The following RABL2B variants were observed in gnomAD, a reference collection of about 807,000 sequenced individuals.
RABL2B encodes the protein rab-like protein 2B.
A neutral mutation model predicts 26.7 loss-of-function variants in RABL2B; 17 were observed. That is an observed-to-expected ratio of 0.64 (90% CI 0.44 to 0.95). The LOEUF (loss-of-function observed/expected upper bound fraction) is 0.95. Ranked by LOEUF, RABL2B falls within the 40% of genes least tolerant of loss-of-function variation. The pLI, the probability that RABL2B is intolerant of heterozygous loss-of-function variation, is 0.00. For synonymous variants in RABL2B, 70 were observed against 103.9 expected (o/e 0.67, Z 1.99); for missense variants, 170 against 277.2 (o/e 0.61, Z 2.75).
At chr22:50,773,977 C>G (rs2084582938) in intron 5 of RABL2B, among the ~76,000 whole-genome samples, 1 of 152,124 alleles carries the variant, frequency 6.6e-6, no homozygotes, top group African/African-American at 2.4e-5. Context: ...TCACTGCAAG[C>G]TCTGCCTCCC....
chr22:50,771,496 C>T (rs1285092037), intron 5 of RABL2B: 1 of 151,958 alleles, frequency 6.6e-6, no homozygotes, highest in Non-Finnish European at 1.5e-5. Flanking sequence ...AGGCTGGTCT[C>T]AAACTCTTGA....
At chr22:50,772,845 A>C in intron 5 of RABL2B, 1 of 1,178,006 alleles carries the variant, frequency 8.5e-7, no homozygotes, top group East Asian at 5.9e-5. Context: ...TTGTTTTGAG[A>C]GCTGAGGAGG....
rs145748973 is a variant in RABL2B at position 50,775,784 on chromosome 22, G to A, written c.285C>T (p.His95=). ...SMHASYYHKA[H]ACIMVFDVQR... The stretch of plus-strand genomic sequence containing the variant: ...CACCGTCTCGTACCATGATGCAGGC[G>A]TGGGCCTTGTGGTAGTAGGAGGCAT... Residue 95 remains histidine, a synonymous_variant, in exon 5 of 9, where the codon CAC becomes CAT. Transcript: ENST00000691320. 6.8e-6 allele frequency: 11 copies of A among 1,614,030 alleles called. No individual in the cohort carries two copies. The East Asian group carries it at 8.9e-5, about 13-fold the overall frequency.
At position 50,770,007 on chromosome 22, in the gene RABL2B, C is replaced by A. The variant is rs1555917225; in HGVS notation, c.307G>T (p.Val103Leu). The part of the protein sequence containing the change: ...KAHACIMVFD[V>L]QRKVTYRNLS... The stretch of plus-strand genomic sequence containing the variant: ...TTCCTATAGGTGACTTTCCTCTGTA[C>A]ATCAAACACCTGCAAAGGGCAGAGG... The change falls in exon 6 of 9, where the codon GTA becomes TTA. Residue 103 changes from valine to leucine, a missense_variant. By Grantham distance (32) the Val-to-Leu change is conservative (BLOSUM62 1). This residue lies in a region of RABL2B where 165 missense variants were observed against 232.0 expected (regional missense o/e 0.71). Transcript: ENST00000691320. The A allele has an allele frequency of 1.9e-6, 3 of 1,613,890 alleles. No homozygotes were observed. Among genetic ancestry groups the A allele is most frequent in the East Asian group, 2.2e-5 (1 of 44,880 alleles).
intron 2 of RABL2B, among the ~76,000 whole-genome samples, chr22:50,781,739 CAAG>C (rs1438330970): frequency 4.6e-5 from 7 of 151,996 alleles, no homozygotes; most frequent in Non-Finnish European, 5.9e-5. Flanking sequence ...AAATTCATTA[CAAG>C]AAGAAGCCAG....
At chr22:50,772,575 G>T (rs1216001702) in intron 5 of RABL2B, 3 of 996,368 alleles carry the variant, frequency 3.0e-6, no homozygotes, top group Non-Finnish European at 3.6e-6. Context: ...AGCTATTTGT[G>T]CAAGCAACAC....
intron 2 of RABL2B, among the ~76,000 whole-genome samples, chr22:50,781,776 C>T (rs2085922413): frequency 6.6e-6 from 1 of 151,640 alleles, no homozygotes; most frequent in Non-Finnish European, 1.5e-5. Context: ...TATAGTCAAT[C>T]GTCAGTTCTA....
At chr22:50,773,495 C>T (rs1164103362) in intron 5 of RABL2B, among the ~76,000 whole-genome samples, 4 of 151,958 alleles carry the variant, frequency 2.6e-5, no homozygotes, top group Non-Finnish European at 5.9e-5. Context: ...ATCCTGCACA[C>T]GTGCATCACA....
rs781878151 is a variant in RABL2B, at chr22:50,776,653, G to C, written c.217+17C>G. 1.9e-6 allele frequency: 3 copies of C among 1,597,332 alleles called. No homozygotes were observed. Among genetic ancestry groups the C allele is most frequent in the East Asian group, 2.3e-5 (1 of 44,128 alleles). On this transcript the variant is annotated intron_variant, in intron 4 of 8. Transcript: ENST00000691320. ...TCTTTCCTGAGGGTCAGCATGTCTT[G>C]GCCCTGTGCCACTTACCCACAAGGA... is the stretch of plus-strand genomic sequence containing the variant.
chr22:50,781,400 AAGAGAG>A lies in RABL2B; in HGVS notation c.107+782_107+787del, dbSNP rs3044691. On this transcript the variant is annotated intron_variant, in intron 2 of 8. Coordinates refer to ENST00000691320, the MANE Select transcript of RABL2B (RefSeq NM_001130919.3). ...TGCAGTATGTGATTGTGTGGTGGGG[AAGAGAG>A]AGAGAGAGAGAGAGAGACAGAGAAT... Among the ~76,000 whole-genome samples the A allele has an allele frequency of 7.0e-3, 994 of 141,812 alleles. 8 individuals carry two copies. Among genetic ancestry groups the A allele is most frequent in the African/African-American group, 0.025 (949 of 38,262 alleles). 93.0% of individuals were successfully genotyped at this position (141,812 alleles called of 152,430 possible). A position where few individuals can be genotyped will look rare whatever the true frequency, so the allele number is the denominator to read the frequency against.
chr22:50,773,460 G>A (rs754302513), intron 5 of RABL2B, among the ~76,000 whole-genome samples: 1 of 152,066 alleles, frequency 6.6e-6, no homozygotes, highest in Non-Finnish European at 1.5e-5. Context: ...CAGCACGTGT[G>A]TCTTTCCACC....
At chr22:50,773,308 A>G (rs1159632191) in intron 5 of RABL2B, among the ~76,000 whole-genome samples, 3 of 152,086 alleles carry the variant, frequency 2.0e-5, no homozygotes, top group Non-Finnish European at 4.4e-5. Flanking sequence ...TTTTCAAGGG[A>G]TTTTGTTCTC....
At chr22:50,781,424 C>T (rs199606210) in intron 2 of RABL2B, among the ~76,000 whole-genome samples, 3 of 107,176 alleles carry the variant, frequency 2.8e-5, no homozygotes, top group African/African-American at 9.3e-5. Flanking sequence ...GAGAGAGAGA[C>T]AGAGAATTCA....
intron 2 of RABL2B, among the ~76,000 whole-genome samples, chr22:50,781,888 C>T (rs1366342846): frequency 1.3e-5 from 2 of 148,760 alleles, no homozygotes; most frequent in Non-Finnish European, 3.0e-5. Flanking sequence ...TCCATTCCCA[C>T]TCCCCGCCCT....
intron 5 of RABL2B, 133 bp from the exon 6 acceptor site, chr22:50,770,149 C>T (rs2083926014): frequency 3.4e-6 from 5 of 1,481,434 alleles, no homozygotes; most frequent in Admixed American, 2.1e-5. Flanking sequence ...TGAATTGCAG[C>T]CTCTCTGACC....
chr22:50,776,860 G>A, intron 3 of RABL2B, 111 bp from the exon 4 acceptor site: 1 of 1,463,122 alleles, frequency 6.8e-7, no homozygotes, highest in South Asian at 1.3e-5. Flanking sequence ...TCTCTTTGGA[G>A]TTATTGAGAT....
chr22:50,775,840 T>C lies in RABL2B; in HGVS notation c.229A>G (p.Thr77Ala), dbSNP rs782505967. The change falls in exon 5 of 9, where the codon ACG (threonine) becomes GCG (alanine). Residue 77 changes from threonine (T) to alanine (A), a missense_variant. Thr to Ala is a moderately conservative substitution (Grantham distance 58, BLOSUM62 0). This residue lies in a region of RABL2B where 165 missense variants were observed against 232.0 expected (regional missense o/e 0.71). Transcript: ENST00000691320. Reference protein sequence around the residue: ...GRTILVDFWDTAGQERFQSMH... With the variant: ...GRTILVDFWDAAGQERFQSMH... The stretch of plus-strand genomic sequence containing the variant: ...CTCTGGAACCGCTCCTGGCCTGCCG[T>C]GTCCCAAAAGTCTGCAATGTGAACA... The C allele has an allele frequency of 1.7e-5, 27 of 1,614,094 alleles. No homozygotes were observed. Among genetic ancestry groups the C allele is most frequent in the Non-Finnish European group, 2.1e-5 (25 of 1,180,054 alleles).
intron 3 of RABL2B, 143 bp downstream of exon 3, chr22:50,777,809 C>A: frequency 7.5e-7 from 1 of 1,331,152 alleles, no homozygotes; most frequent in Non-Finnish European, 1.1e-6. Context: ...CGGCAAGAAA[C>A]AAGTGCGGAA....
chr22:50,772,368 C>T (rs1555919490), intron 5 of RABL2B: 1 of 985,400 alleles, frequency 1.0e-6, no homozygotes, highest in African/African-American at 1.7e-5. Flanking sequence ...GAAGGATGAG[C>T]ACTGCAAACC....
Sources: allele counts gnomAD v4.1 joint callset (sites outside exome capture counted in the v4.1 genomes callset), GRCh38; gene constraint gnomAD v4.1.1; regional missense constraint gnomAD v4.1.1; transcripts MANE v1.5; gene names NCBI Gene and HGNC (gene_info 2026-07-23, HGNC 2026-07-21).